The following FGF12 variants were observed in gnomAD, a reference collection of about 807,000 sequenced individuals.
FGF12 encodes the protein fibroblast growth factor 12B.
A neutral mutation model predicts 23.6 loss-of-function variants in FGF12; 14 were observed. That is an observed-to-expected ratio of 0.59 (90% confidence interval 0.39 to 0.93). FGF12 has a LOEUF of 0.93. FGF12 is among the 40% of genes least tolerant of loss of function. The probability of loss-of-function intolerance (pLI) is 0.00; values close to 1 mark genes in which losing one functional copy is unlikely to be tolerated. For missense variants in FGF12, 175 were observed against 217.8 expected (o/e 0.80, Z 1.24); for synonymous variants, 62 against 77.3 (o/e 0.80, Z 1.04).
At chr3:192,421,464 T>G (rs1407857560) in intron 2 of FGF12, among the ~76,000 whole-genome samples, 1 of 151,734 alleles carries the variant, frequency 6.6e-6, no homozygotes, top group Admixed American at 6.6e-5. Context: ...GTAGCAAAGA[T>G]TGTCAGCATG....
At chr3:192,473,693 C>G (rs1014492724) in intron 2 of FGF12, among the ~76,000 whole-genome samples, 1 of 152,204 alleles carries the variant, frequency 6.6e-6, no homozygotes, top group African/African-American at 2.4e-5. Context: ...ACTTGTCATA[C>G]ATTCTCTGGG....
At chr3:192,516,618 G>A (rs1373180891) in intron 2 of FGF12, 2 of 152,230 alleles carry the variant, frequency 1.3e-5, no homozygotes, top group African/African-American at 4.8e-5. Context: ...TGAGTTTACA[G>A]CCACCACCTG....
At chr3:192,225,196 T>G (rs1718670621) in intron 4 of FGF12, among the ~76,000 whole-genome samples, 7 of 152,154 alleles carry the variant, frequency 4.6e-5, no homozygotes, top group Admixed American at 4.6e-4. Context: ...TTGAAATTAT[T>G]GTTGCTTCTC....
intron 4 of FGF12, among the ~76,000 whole-genome samples, chr3:192,257,272 C>A (rs769499807): frequency 6.6e-6 from 1 of 152,054 alleles, no homozygotes; most frequent in Non-Finnish European, 1.5e-5. Context: ...AGCTATAGAA[C>A]CAGAATTTTG....
At chr3:192,228,441 C>T (rs1056529555) in intron 4 of FGF12, among the ~76,000 whole-genome samples, 1 of 152,012 alleles carries the variant, frequency 6.6e-6, no homozygotes, top group East Asian at 1.9e-4. Flanking sequence ...TGTAAATAGG[C>T]TAAATGTAAC....
chr3:192,460,173 C>A, intron 2 of FGF12, among the ~76,000 whole-genome samples: 1 of 152,252 alleles, frequency 6.6e-6, no homozygotes, highest in Admixed American at 6.5e-5. Context: ...ATGAGAAAGA[C>A]AAGCACAAGA....
chr3:192,676,151 T>C (rs1276716471), intron 2 of FGF12, among the ~76,000 whole-genome samples: 1 of 152,202 alleles, frequency 6.6e-6, no homozygotes, highest in Non-Finnish European at 1.5e-5. Context: ...AATAAAAGCA[T>C]GACTCAGTTC....
intron 2 of FGF12, among the ~76,000 whole-genome samples, chr3:192,434,770 A>G (rs887591481): frequency 2.0e-5 from 3 of 152,152 alleles, no homozygotes; most frequent in Admixed American, 6.5e-5. Flanking sequence ...TGCAAAGCCA[A>G]TCTCAAAGCA....
rs918221786 is a variant in FGF12 at position 192,439,951 on chromosome 3, A to G, written c.14-79413T>C. On this transcript the variant is annotated intron_variant, in intron 2 of 5. Transcript: ENST00000445105. ...AGATCGCGCCACTGCATTCCAGCCT[A>G]GGTGACAGAGCAAGACTCCATATGG... Among the ~76,000 whole-genome samples the G allele has an allele frequency of 1.0e-4, 15 of 147,518 alleles. No individual in the cohort carries two copies. In the East Asian group the frequency reaches 2.1e-3, roughly 20 times the overall value.
At chr3:192,287,189 C>T (rs1391930511) in intron 4 of FGF12, among the ~76,000 whole-genome samples, 1 of 151,926 alleles carries the variant, frequency 6.6e-6, no homozygotes, top group Non-Finnish European at 1.5e-5. Flanking sequence ...CATCGACTAC[C>T]ATAATAATTT....
In FGF12 at chr3:192,263,715, A is replaced by T. The variant is rs1049036707; in HGVS notation, c.228+71646T>A. Reference sequence around the variant, plus strand: ...GAAATATCATGCTGGCTATGCTGGAATTTTCTGAAATAAATGAAATTGAGT... The same window carrying T: ...GAAATATCATGCTGGCTATGCTGGATTTTTCTGAAATAAATGAAATTGAGT... On this transcript the variant is annotated intron_variant, in intron 4 of 5. Coordinates refer to ENST00000445105, the MANE Select transcript of FGF12 (RefSeq NM_004113.6). 6.6e-5 allele frequency among the ~76,000 whole-genome samples: 10 copies of T among 152,092 alleles called. No individual in the cohort carries two copies. The East Asian group carries it at 1.9e-3, about 29-fold the overall frequency.
intron 2 of FGF12, among the ~76,000 whole-genome samples, chr3:192,565,874 G>T (rs552946624): frequency 5.3e-4 from 80 of 152,236 alleles, no homozygotes; most frequent in African/African-American, 1.9e-3. Flanking sequence ...ATCACCTGAG[G>T]TCAGGAGTTC....
intron 2 of FGF12, among the ~76,000 whole-genome samples, chr3:192,697,585 A>G (rs969692468): frequency 1.3e-5 from 2 of 152,170 alleles, no homozygotes; most frequent in African/African-American, 2.4e-5. Flanking sequence ...ACCCTATAAT[A>G]GGGAGAAGGT....
At chr3:192,231,449 T>A (rs554246610) in intron 4 of FGF12, among the ~76,000 whole-genome samples, 1 of 152,206 alleles carries the variant, frequency 6.6e-6, no homozygotes, top group Non-Finnish European at 1.5e-5. Context: ...CAGGTGGATA[T>A]AAAACTATTA....
intron 4 of FGF12, among the ~76,000 whole-genome samples, chr3:192,318,968 A>G (rs1009571552): frequency 3.6e-5 from 5 of 140,784 alleles, no homozygotes; most frequent in Non-Finnish European, 8.3e-5. Context: ...AAGGGGGAAA[A>G]ACAAAACAAA....
intron 2 of FGF12, among the ~76,000 whole-genome samples, chr3:192,536,013 C>CA (rs1292394715): frequency 1.3e-5 from 2 of 152,168 alleles, no homozygotes; most frequent in African/African-American, 4.8e-5. Context: ...TGTAGGGTAA[C>CA]ATTATGTCCT....
intron 3 of FGF12, among the ~76,000 whole-genome samples, chr3:192,358,080 T>G (rs1022593684): frequency 6.6e-6 from 1 of 151,734 alleles, no homozygotes; most frequent in African/African-American, 2.4e-5. Flanking sequence ...ATAAAATATA[T>G]TTATGATAAT....
intron 2 of FGF12, among the ~76,000 whole-genome samples, chr3:192,430,446 G>T (rs1165527477): frequency 6.6e-6 from 1 of 152,154 alleles, no homozygotes; most frequent in Non-Finnish European, 1.5e-5. Context: ...TTGCACAGCG[G>T]TGTACTTAAT....
intron 5 of FGF12, among the ~76,000 whole-genome samples, chr3:192,148,726 A>G (rs1174107561): frequency 6.6e-6 from 1 of 152,186 alleles, no homozygotes; most frequent in Admixed American, 6.6e-5. Flanking sequence ...GCATAGGAAG[A>G]GCCAGCAATT....
Sources: gnomAD v4.1 joint callset for allele counts (sites outside exome capture counted in the v4.1 genomes callset) on GRCh38, gnomAD v4.1.1 for gene constraint, MANE v1.5 for transcripts, NCBI Gene and HGNC (gene_info 2026-07-23, HGNC 2026-07-21) for gene names.